Variants in UBR1 observed in about 807,000 individuals in gnomAD.
The protein encoded by UBR1 is E3 ubiquitin-protein ligase UBR1.
In UBR1, 102 loss-of-function variants were observed where a neutral mutation model predicts 242.1. That is an observed-to-expected ratio of 0.42 (90% confidence interval 0.36 to 0.50). UBR1 has a LOEUF of 0.50. Among genes scored for constraint, UBR1 ranks in the 20% least tolerant of loss-of-function variants. The probability of loss-of-function intolerance (pLI) is 0.01; values close to 1 mark genes in which losing one functional copy is unlikely to be tolerated. For synonymous variants in UBR1, 675 were observed against 684.8 expected (o/e 0.99, Z 0.22); for missense variants, 1,772 against 2,101.8 (o/e 0.84, Z 3.07).
intron 46 of UBR1, among the ~76,000 whole-genome samples, chr15:42,948,403 A>C (rs1333480382): frequency 6.6e-6 from 1 of 152,216 alleles, no homozygotes; most frequent in Non-Finnish European, 1.5e-5. Context: ...CCCAAAAGTA[A>C]TGGCAACAAA....
At chr15:43,031,221 A>G (rs2033252710) in intron 20 of UBR1, among the ~76,000 whole-genome samples, 1 of 152,206 alleles carries the variant, frequency 6.6e-6, no homozygotes, top group Non-Finnish European at 1.5e-5. Flanking sequence ...ACTTAAACTC[A>G]GGAGCAGAGC....
chr15:42,992,406 T>C (rs2032570098), intron 33 of UBR1, among the ~76,000 whole-genome samples: 1 of 152,206 alleles, frequency 6.6e-6, no homozygotes, highest in South Asian at 2.1e-4. Flanking sequence ...TCTGGAAACA[T>C]GAACAGTTTT....
chr15:43,038,323 A>G (rs900039524), intron 15 of UBR1, 91 bp from the exon 16 acceptor site: 2 of 1,356,034 alleles, frequency 1.5e-6, no homozygotes, highest in Non-Finnish European at 2.1e-6. Context: ...GTGCGATTTG[A>G]TTTGGCTGGG....
At position 43,043,424 on chromosome 15, in the gene UBR1, G is replaced by A. The variant is rs776845166; in HGVS notation, c.1669-29C>T. On this transcript the variant is annotated intron_variant, in intron 14 of 46. Transcript: ENST00000290650. Reference sequence around the variant, plus strand: ...AGAGGAAAATAAGATACAAAAAGTTGACAAGTTTTCTACTTTAACACTTTT... The same window carrying A: ...AGAGGAAAATAAGATACAAAAAGTTAACAAGTTTTCTACTTTAACACTTTT... 6.2e-6 allele frequency: 10 copies of A among 1,610,704 alleles called. No homozygotes were observed. In the South Asian group the frequency reaches 8.8e-5, roughly 14 times the overall value.
chr15:43,047,527 C>T lies in UBR1; in HGVS notation c.1540-238G>A, dbSNP rs115979691. Among the ~76,000 whole-genome samples the T allele has an allele frequency of 3.4e-3, 525 of 152,296 alleles. 2 individuals are homozygous for T. The highest frequency in any genetic ancestry group is 0.012 in the African/African-American group (500 of 41,556). The stretch of plus-strand genomic sequence containing the variant: ...TGACCCTGGGCAAATTATTTCTAAG[C>T]TTGGTTACTAAATGGATCCTTTGAG... On this transcript the variant is annotated intron_variant, in intron 13 of 46. Coordinates refer to ENST00000290650, the MANE Select transcript of UBR1 (RefSeq NM_174916.3).
chr15:43,076,286 A>G (rs1364084703), intron 3 of UBR1, among the ~76,000 whole-genome samples: 1 of 151,736 alleles, frequency 6.6e-6, no homozygotes, highest in Non-Finnish European at 1.5e-5. Context: ...TCAGTGCTCA[A>G]TGGTGCCCAG....
chr15:43,056,793 C>T (rs1281097046), intron 10 of UBR1, among the ~76,000 whole-genome samples: 2 of 152,102 alleles, frequency 1.3e-5, no homozygotes, highest in Non-Finnish European at 2.9e-5. Context: ...TAGCAGCTTC[C>T]ACTCTAATGG....
chr15:42,961,002 C>T (rs938593505), intron 42 of UBR1, among the ~76,000 whole-genome samples: 20 of 151,924 alleles, frequency 1.3e-4, no homozygotes, highest in African/African-American at 4.4e-4. Flanking sequence ...TCAAGTGATC[C>T]GCCCGCCTCA....
chr15:42,979,509 T>C (rs1260638223), intron 37 of UBR1, among the ~76,000 whole-genome samples: 2 of 152,186 alleles, frequency 1.3e-5, no homozygotes, highest in Non-Finnish European at 2.9e-5. Flanking sequence ...ACATGCAGTA[T>C]ATGCAAGTTT....
At chr15:42,966,665 G>A (rs1363522768) in intron 40 of UBR1, among the ~76,000 whole-genome samples, 4 of 148,428 alleles carry the variant, frequency 2.7e-5, no homozygotes, top group South Asian at 2.1e-4. Flanking sequence ...GCAACAGAGC[G>A]AGACGCTGAC....
intron 32 of UBR1, among the ~76,000 whole-genome samples, chr15:43,001,585 A>C (rs1489944243): frequency 1.3e-5 from 2 of 152,252 alleles, no homozygotes; most frequent in Non-Finnish European, 2.9e-5. Flanking sequence ...TTGCATTTTA[A>C]AGCAACTGAA....
At chr15:43,032,244 T>C (rs1224766546) in intron 20 of UBR1, among the ~76,000 whole-genome samples, 3 of 152,334 alleles carry the variant, frequency 2.0e-5, no homozygotes, top group South Asian at 2.1e-4. Flanking sequence ...GAACACTCTT[T>C]TTCTTTTCTC....
chr15:43,019,791 A>G (rs1296575504), intron 27 of UBR1, among the ~76,000 whole-genome samples: 1 of 146,648 alleles, frequency 6.8e-6, no homozygotes, highest in Non-Finnish European at 1.5e-5. Context: ...TTTTTAGTAG[A>G]GACAGGGTTT....
intron 40 of UBR1, 91 bp downstream of exon 40, chr15:42,970,429 G>T: frequency 7.5e-7 from 1 of 1,337,326 alleles, no homozygotes; most frequent in African/African-American, 1.4e-5. Flanking sequence ...ATTTTTAACT[G>T]GAATTTAAAT....
chr15:42,982,333 CTG>C (rs1295186205), intron 37 of UBR1, among the ~76,000 whole-genome samples: 1 of 152,088 alleles, frequency 6.6e-6, no homozygotes, highest in Non-Finnish European at 1.5e-5. Context: ...ATAGGATAAA[CTG>C]TTCAACAGAA....
chr15:42,984,704 G>A (rs924123257), intron 36 of UBR1, among the ~76,000 whole-genome samples, 183 bp downstream of exon 36: 2 of 152,182 alleles, frequency 1.3e-5, no homozygotes, highest in African/African-American at 4.8e-5. Flanking sequence ...GATTGAGTAA[G>A]CGCTGTAAAG....
Position 43,056,998 on chromosome 15 carries a change from A to G in UBR1, c.1183-556T>C, listed in dbSNP as rs531915137. ...AAATAGGAATATACTCAGTCACATA[A>G]TAGGCATCTATTATGTGTAAGGCAC... On this transcript the variant is annotated intron_variant, in intron 10 of 46. Coordinates refer to ENST00000290650, the MANE Select transcript of UBR1 (RefSeq NM_174916.3). Among the ~76,000 whole-genome samples, 11 of 152,300 alleles carry G rather than the reference A, an allele frequency of 7.2e-5. No individual in the cohort carries two copies. The East Asian group carries it at 1.3e-3, about 19-fold the overall frequency.
In UBR1 at chr15:43,084,806, C is replaced by A. The variant is rs77623410; in HGVS notation, c.338+1178G>T. 3.4e-4 allele frequency among the ~76,000 whole-genome samples: 52 copies of A among 152,246 alleles called. 2 individuals carry two copies. The East Asian group carries it at 6.6e-3, about 19-fold the overall frequency. The stretch of plus-strand genomic sequence containing the variant: ...ACAGAATAAAGAAAGATAGTATGTT[C>A]TAAACAACTGTTAACTGTACATAAA... On this transcript the variant is annotated intron_variant, in intron 2 of 46. Coordinates refer to ENST00000290650, the MANE Select transcript of UBR1 (RefSeq NM_174916.3).
intron 15 of UBR1, 77 bp downstream of exon 15, chr15:43,043,138 A>G (rs938430014): frequency 3.2e-5 from 49 of 1,541,302 alleles, no homozygotes; most frequent in Non-Finnish European, 3.9e-5. Context: ...CAGAACAAAA[A>G]TAGAAATGAT....
Sources: gnomAD v4.1 joint callset for allele counts (sites outside exome capture counted in the v4.1 genomes callset) on GRCh38, gnomAD v4.1.1 for gene constraint, MANE v1.5 for transcripts, NCBI Gene and HGNC (gene_info 2026-07-23, HGNC 2026-07-21) for gene names.